The following PCDH15 variants were observed in gnomAD, a reference collection of about 807,000 sequenced individuals.
PCDH15 encodes protocadherin-15.
A neutral mutation model predicts 178.5 loss-of-function variants in PCDH15; 129 were observed. The observed-to-expected ratio is 0.72, with a 90% confidence interval of 0.63 to 0.84. PCDH15 has a LOEUF of 0.84. PCDH15 is among the 40% of genes least tolerant of loss of function. The pLI, the probability that PCDH15 is intolerant of heterozygous loss-of-function variation, is 0.00. For synonymous variants in PCDH15, 800 were observed against 732.0 expected, an observed-to-expected ratio of 1.09 and a Z score of -1.50; for missense variants, 2,230 against 2,099.9, an observed-to-expected ratio of 1.06 and a Z score of -1.21.
chr10:55,422,914 CA>C (rs1189043605), intron 2 of PCDH15, among the ~76,000 whole-genome samples: 1 of 151,694 alleles, frequency 6.6e-6, no homozygotes, highest in Non-Finnish European at 1.5e-5. Context: ...TATAAATCAA[CA>C]AAGGGAAAAT....
At chr10:54,155,309 A>C (rs997080153) in intron 13 of PCDH15, among the ~76,000 whole-genome samples, 3 of 152,162 alleles carry the variant, frequency 2.0e-5, no homozygotes, top group African/African-American at 7.2e-5. Flanking sequence ...AATACCAAAT[A>C]GTACTGCAAA....
chr10:54,771,939 T>A (rs1176430817), intron 1 of PCDH15, among the ~76,000 whole-genome samples: 1 of 152,180 alleles, frequency 6.6e-6, no homozygotes, highest in African/African-American at 2.4e-5. Flanking sequence ...TGTACCACAT[T>A]GCAAAATAGA....
chr10:54,192,137 AG>A (rs1327322069), intron 11 of PCDH15, among the ~76,000 whole-genome samples: 4 of 101,900 alleles, frequency 3.9e-5, no homozygotes, highest in African/African-American at 2.1e-4. Flanking sequence ...AGAAAGAGAA[AG>A]AGAAAGAAAG....
intron 2 of PCDH15, among the ~76,000 whole-genome samples, chr10:55,520,493 G>C (rs4431931): frequency 0.39 from 56,921 of 146,348 alleles, 11,730 homozygotes; most frequent in East Asian, 0.81. Context: ...ATTATTAGCT[G>C]TGTGTGTGTG....
At chr10:55,124,274 T>C (rs937420103) in intron 2 of PCDH15, among the ~76,000 whole-genome samples, 30 of 152,154 alleles carry the variant, frequency 2.0e-4, no homozygotes, top group Non-Finnish European at 3.8e-4. Flanking sequence ...GTGTATCTCC[T>C]GGTCATAGAT....
Position 55,118,883 on chromosome 10 carries a change from G to C in PCDH15, c.-80+47693C>G, listed in dbSNP as rs899821120. Among the ~76,000 whole-genome samples, 67 of 152,102 alleles carry C rather than the reference G, an allele frequency of 4.4e-4. 3 individuals are homozygous for C. The highest frequency in any genetic ancestry group is 8.8e-5 in the Non-Finnish European group (6 of 68,016). On this transcript the variant is annotated intron_variant, in intron 2 of 5. Coordinates refer to the PCDH15 transcript ENST00000458638. ...CCTTCAGGTGACGACACTTATAATT[G>C]ACTTACGAAGAGATTTCAAAACTTG...
intron 1 of PCDH15, among the ~76,000 whole-genome samples, chr10:54,701,354 C>T (rs2095306882): frequency 6.6e-6 from 1 of 152,020 alleles, no homozygotes; most frequent in Non-Finnish European, 1.5e-5. Flanking sequence ...TATAAAAACA[C>T]ACTTTAGTAC....
chr10:55,217,818 TAATC>T (rs1427249795), intron 1 of PCDH15, among the ~76,000 whole-genome samples: 11 of 152,020 alleles, frequency 7.2e-5, no homozygotes, highest in African/African-American at 2.4e-4. Context: ...TTTTATGTCT[TAATC>T]AAGGGGTGAA....
chr10:55,296,917 CTGT>C (rs1843146802), intron 1 of PCDH15, among the ~76,000 whole-genome samples: 1 of 152,042 alleles, frequency 6.6e-6, no homozygotes, highest in Non-Finnish European at 1.5e-5. Flanking sequence ...AGACTAACTT[CTGT>C]TGTTCTATTT....
At chr10:54,412,373 T>A (rs2135659993) in intron 3 of PCDH15, among the ~76,000 whole-genome samples, 1 of 152,134 alleles carries the variant, frequency 6.6e-6, no homozygotes, top group Admixed American at 6.6e-5. Flanking sequence ...GCAAGAGATG[T>A]TTCACAAAAG....
chr10:55,325,431 A>G (rs1349832794), intron 2 of PCDH15, among the ~76,000 whole-genome samples: 3 of 152,032 alleles, frequency 2.0e-5, no homozygotes, highest in Non-Finnish European at 4.4e-5. Context: ...CATGATCATC[A>G]GATCTTTGAC....
At chr10:54,658,892 G>A (rs1352925880) in intron 2 of PCDH15, among the ~76,000 whole-genome samples, 2 of 152,122 alleles carry the variant, frequency 1.3e-5, no homozygotes, top group Non-Finnish European at 2.9e-5. Context: ...GCCTTCAAGG[G>A]ACTGACCTAC....
At chr10:54,205,535 A>T (rs2050715037) in intron 10 of PCDH15, among the ~76,000 whole-genome samples, 2 of 113,850 alleles carry the variant, frequency 1.8e-5, no homozygotes, top group African/African-American at 6.4e-5. Flanking sequence ...TTAGGGAGGG[A>T]TGACTGTGAA....
At chr10:55,061,153 T>A (rs1841419261) in intron 2 of PCDH15, among the ~76,000 whole-genome samples, 1 of 152,098 alleles carries the variant, frequency 6.6e-6, no homozygotes, top group Admixed American at 6.6e-5. Flanking sequence ...ACAGATAATA[T>A]TTGAGAAGAC....
chr10:54,373,652 G>A (rs944860776), intron 4 of PCDH15, among the ~76,000 whole-genome samples: 1 of 151,930 alleles, frequency 6.6e-6, no homozygotes, highest in Non-Finnish European at 1.5e-5. Context: ...TTTAATGTGG[G>A]TTAGGATTAA....
Position 54,250,194 on chromosome 10 carries a change from G to A in PCDH15, c.877-13263C>T, listed in dbSNP as rs145357198. ...AAGTGCTGGGATTACAGGCATGAGT[G>A]ACTGCACCTGGCCTATAAAATGTAA... On this transcript the variant is annotated intron_variant, in intron 8 of 37. Coordinates refer to ENST00000644397, the MANE Select transcript of PCDH15 (RefSeq NM_001384140.1). Among the ~76,000 whole-genome samples, 860 of 149,222 alleles carry A rather than the reference G, an allele frequency of 5.8e-3. 7 individuals carry two copies. The highest frequency in any genetic ancestry group is 0.021 in the Admixed American group (319 of 14,976).
intron 2 of PCDH15, among the ~76,000 whole-genome samples, chr10:55,551,587 A>C (rs1432051153): frequency 6.6e-6 from 1 of 151,870 alleles, no homozygotes; most frequent in Admixed American, 6.6e-5. Flanking sequence ...AGTTGGCAAT[A>C]TTGAAATGTG....
chr10:54,057,301 C>T (rs2093915407), intron 18 of PCDH15, among the ~76,000 whole-genome samples: 1 of 152,250 alleles, frequency 6.6e-6, no homozygotes, highest in South Asian at 2.1e-4. Context: ...AGAGGTTCTC[C>T]ATGAGGGCTC....
chr10:53,994,142 G>A (rs1231387950), intron 21 of PCDH15, among the ~76,000 whole-genome samples: 1 of 152,084 alleles, frequency 6.6e-6, no homozygotes, highest in East Asian at 1.9e-4. Context: ...ACAACTTTTC[G>A]CACCTTGGTG....
Sources: allele counts gnomAD v4.1 joint callset (sites outside exome capture counted in the v4.1 genomes callset), GRCh38; gene constraint gnomAD v4.1.1; transcripts MANE v1.5; gene names NCBI Gene and HGNC (gene_info 2026-07-23, HGNC 2026-07-21).